The following BTN1A1 variants were observed in gnomAD, a reference collection of about 807,000 sequenced individuals.
The protein encoded by BTN1A1 is butyrophilin subfamily 1 member A1, also known as bK14H9.2 (butyrophilin, subfamily 1, member A1).
In BTN1A1, 26 loss-of-function variants were observed where a neutral mutation model predicts 33.1. The ratio of observed to expected loss-of-function variants is 0.79; its 90% confidence interval spans 0.58 to 1.09. BTN1A1 has a LOEUF of 1.09. Ranked by LOEUF, BTN1A1 falls within the 50% of genes least tolerant of loss-of-function variation. The pLI, the probability that BTN1A1 is intolerant of heterozygous loss-of-function variation, is 0.00. For missense variants in BTN1A1, 558 were observed against 655.7 expected (o/e 0.85, Z 1.63); for synonymous variants, 235 against 256.2 (o/e 0.92, Z 0.79).
chr6:26,507,595 C>T (rs1243384481), intron 5 of BTN1A1, among the ~76,000 whole-genome samples: 1 of 150,730 alleles, frequency 6.6e-6, no homozygotes, highest in African/African-American at 2.4e-5. Context: ...GGTCGTGGCC[C>T]ACACCTGTAG....
At chr6:26,503,391 C>T (rs1305327049) in intron 3 of BTN1A1, among the ~76,000 whole-genome samples, 1 of 151,720 alleles carries the variant, frequency 6.6e-6, no homozygotes, top group Non-Finnish European at 1.5e-5. Context: ...TCGCTTGAAC[C>T]TGGGAGGCAG....
chr6:26,509,186 G>A lies in BTN1A1; in HGVS notation c.*12G>A. 1.3e-6 allele frequency: 2 copies of A among 1,593,404 alleles called. No individual in the cohort carries two copies. The highest frequency in any genetic ancestry group is 1.7e-6 in the Non-Finnish European group (2 of 1,168,210). ...AAGGGGCACCTTAAGGAATATCTCAGCTCATCTGTTTTCCTTTCCTCTAAC... is the reference window on the plus strand; with the variant it reads ...AAGGGGCACCTTAAGGAATATCTCAACTCATCTGTTTTCCTTTCCTCTAAC... On this transcript the variant is annotated 3_prime_UTR_variant, in exon 8 of 8. Coordinates refer to ENST00000684113, the MANE Select transcript of BTN1A1 (RefSeq NM_001732.3).
In BTN1A1 at chr6:26,501,383, T is replaced by G. The variant is rs746036020; in HGVS notation, c.79+18T>G. On this transcript the variant is annotated intron_variant, in intron 2 of 7. Transcript: ENST00000684113. The surrounding 1 kb of genome is among the most constrained non-coding windows in gnomAD (Gnocchi z 5.2). ...GGATTCAGGTAAGTCTCTCTCTCTC[T>G]CTGGGCTGCATAGTTGAAATATATC... is the stretch of plus-strand genomic sequence containing the variant. The G allele has an allele frequency of 6.2e-7, 1 of 1,605,604 alleles. No individual in the cohort carries two copies. Among genetic ancestry groups the G allele is most frequent in the East Asian group, 2.2e-5 (1 of 44,846 alleles).
chr6:26,508,610 G>C lies in BTN1A1; in HGVS notation c.1017G>C (p.Glu339Asp). 12 of 1,614,216 alleles carry C rather than the reference G, an allele frequency of 7.4e-6. No individual in the cohort carries two copies. Among genetic ancestry groups the C allele is most frequent in the Non-Finnish European group, 1.0e-5 (12 of 1,180,044 alleles). Reference protein sequence around the residue: ...DSRQKLPEKTERFDSWPCVLG... With the variant: ...DSRQKLPEKTDRFDSWPCVLG... ...GTCAGAAACTGCCTGAGAAAACAGAGAGATTTGACTCCTGGCCCTGTGTGT... is the reference window on the plus strand; with the variant it reads ...GTCAGAAACTGCCTGAGAAAACAGACAGATTTGACTCCTGGCCCTGTGTGT... The change falls in exon 8 of 8, where the codon GAG becomes GAC. Residue 339 changes from glutamate (E) to aspartate (D), a missense_variant. Transcript: ENST00000684113.
At chr6:26,505,241 G>T in intron 4 of BTN1A1, 35 bp downstream of exon 4, 1 of 1,593,026 alleles carries the variant, frequency 6.3e-7, no homozygotes, top group South Asian at 1.1e-5. Context: ...TTCCTATGTT[G>T]ACACAGCTTC....
At chr6:26,508,121 G>A in intron 7 of BTN1A1, 34 bp downstream of exon 7, 1 of 1,578,410 alleles carries the variant, frequency 6.3e-7, no homozygotes, top group Non-Finnish European at 8.6e-7. Flanking sequence ...GGGCTCTGAG[G>A]CTCTATCCCC....
chr6:26,509,372 G>A lies in BTN1A1; in HGVS notation c.*198G>A, dbSNP rs1399015118. On this transcript the variant is annotated 3_prime_UTR_variant, in exon 8 of 8. Transcript: ENST00000684113. ...ATCTGTTTCTGTACCAATATTTGGG[G>A]GATGGAGGGGTGACTCAAACTGCTT... 7 of 576,840 alleles carry A rather than the reference G, an allele frequency of 1.2e-5. No individual in the cohort carries two copies. The highest frequency in any genetic ancestry group is 2.1e-5 in the Non-Finnish European group (7 of 333,004). The allele number at this position is 576,840 out of a possible 1,614,324, so 35.7% of individuals were successfully genotyped here.
At chr6:26,503,014 A>G (rs187395518) in intron 3 of BTN1A1, among the ~76,000 whole-genome samples, 21 of 152,240 alleles carry the variant, frequency 1.4e-4, no homozygotes, top group Non-Finnish European at 2.8e-4. Context: ...GGATGTTTTT[A>G]TCTAAGATTA....
At chr6:26,506,008 A>T (rs1763865294) in intron 4 of BTN1A1, among the ~76,000 whole-genome samples, 1 of 151,566 alleles carries the variant, frequency 6.6e-6, no homozygotes, top group Non-Finnish European at 1.5e-5. Context: ...AGTCCCAGCT[A>T]CTTGGGAGGC....
chr6:26,504,790 T>G, intron 3 of BTN1A1, 135 bp from the exon 4 acceptor site: 5 of 843,058 alleles, frequency 5.9e-6, no homozygotes, highest in Non-Finnish European at 9.2e-6. Context: ...TATTGAAATA[T>G]GGAGATGAGT....
chr6:26,502,992 C>T (rs1763822824), intron 3 of BTN1A1, among the ~76,000 whole-genome samples: 1 of 152,146 alleles, frequency 6.6e-6, no homozygotes, highest in Non-Finnish European at 1.5e-5. Flanking sequence ...CTGATTTTTA[C>T]TGTAAAACTG....
Position 26,501,754 on chromosome 6 carries a change from G to C in BTN1A1, c.244G>C (p.Glu82Gln), listed in dbSNP as rs201510329. ...CGTGCTGGTGCATAGGGACGGGCGC[G>C]AGCAGGAAGCCGAGCAGATGCCCGA... ...PAVLVHRDGR[E>Q]QEAEQMPEYR... Residue 82 changes from glutamate (E) to glutamine (Q), a missense_variant, in exon 3 of 8, where the codon GAG becomes CAG. Transcript: ENST00000684113. The surrounding 1 kb of genome is among the most constrained non-coding windows in gnomAD (Gnocchi z 5.2). The C allele has an allele frequency of 5.0e-6, 8 of 1,613,764 alleles. No homozygotes were observed. In the South Asian group the frequency reaches 8.8e-5, roughly 18 times the overall value.
chr6:26,506,017 G>A (rs1187782380), intron 4 of BTN1A1, among the ~76,000 whole-genome samples: 1 of 151,634 alleles, frequency 6.6e-6, no homozygotes, highest in Non-Finnish European at 1.5e-5. Flanking sequence ...TACTTGGGAG[G>A]CTGAAGCAGG....
In BTN1A1 at chr6:26,509,228, C is replaced by T; in HGVS notation, c.*54C>T. 1 of 1,455,042 alleles carries T rather than the reference C, an allele frequency of 6.9e-7. No individual in the cohort carries two copies. Among genetic ancestry groups the T allele is most frequent in the Non-Finnish European group, 9.3e-7 (1 of 1,070,942 alleles). The allele number at this position is 1,455,042 out of a possible 1,614,324, so 90.1% of individuals were successfully genotyped here. The stretch of plus-strand genomic sequence containing the variant: ...TCCTCTAACCCCTCTCCTCCATAGC[C>T]TTCTGAGGCTTCACCTGCTAGCTTT... On this transcript the variant is annotated 3_prime_UTR_variant, in exon 8 of 8. Coordinates refer to ENST00000684113, the MANE Select transcript of BTN1A1 (RefSeq NM_001732.3).
At chr6:26,507,716 T>C (rs1304049231) in intron 5 of BTN1A1, among the ~76,000 whole-genome samples, 2 of 67,046 alleles carry the variant, frequency 3.0e-5, no homozygotes, top group South Asian at 5.4e-4. Flanking sequence ...CAGAATGAGA[T>C]TCTATAAAAA....
Position 26,508,773 on chromosome 6 carries a change from TG to T in BTN1A1, c.1183del (p.Ala395LeufsTer2). The T allele has an allele frequency of 6.2e-7, 1 of 1,614,142 alleles. No individual in the cohort carries two copies. The highest frequency in any genetic ancestry group is 8.5e-7 in the Non-Finnish European group (1 of 1,180,012). On this transcript the variant is annotated frameshift_variant, in exon 8 of 8. Coordinates refer to ENST00000684113, the MANE Select transcript of BTN1A1 (RefSeq NM_001732.3). LOFTEE classifies it low-confidence loss of function (END_TRUNC). ...CCCCATGACTCCTGAGAATGGGTTC[TG>T]GGCTGTAGAGTTGTATGGAAATGGG... ...FDPMTPENGF[W>X]AVELYGNGYW...
chr6:26,501,627 G>A lies in BTN1A1; in HGVS notation c.117G>A (p.Leu39=). ...FDVIGPPEPI[L]AVVGEDAELP... ...TGATTGGACCCCCGGAGCCCATCCT[G>A]GCCGTTGTGGGTGAGGACGCCGAGC... Residue 39 remains leucine, a synonymous_variant, in exon 3 of 8, where the codon CTG becomes CTA. Coordinates refer to ENST00000684113, the MANE Select transcript of BTN1A1 (RefSeq NM_001732.3). This position sits in a 1 kb window ranked among gnomAD's most constrained non-coding sequence, Gnocchi z 5.2. 6.2e-7 allele frequency: 1 copy of A among 1,613,890 alleles called. No homozygotes were observed.
Position 26,501,761 on chromosome 6 carries a change from A to G in BTN1A1, c.251A>G (p.Glu84Gly). 1.9e-6 allele frequency: 3 copies of G among 1,613,720 alleles called. No individual in the cohort carries two copies. The highest frequency in any genetic ancestry group is 2.5e-6 in the Non-Finnish European group (3 of 1,179,962). Residue 84 changes from glutamate (E) to glycine (G), a missense_variant, in exon 3 of 8, where the codon GAA becomes GGA. Physicochemically the swap from Glu to Gly is moderately conservative, Grantham distance 98. Coordinates refer to ENST00000684113, the MANE Select transcript of BTN1A1 (RefSeq NM_001732.3). This position sits in a 1 kb window ranked among gnomAD's most constrained non-coding sequence, Gnocchi z 5.2. ...GTGCATAGGGACGGGCGCGAGCAGG[A>G]AGCCGAGCAGATGCCCGAGTACCGC... is the stretch of plus-strand genomic sequence containing the variant. ...VLVHRDGREQ[E>G]AEQMPEYRGR...
At position 26,509,176 on chromosome 6, in the gene BTN1A1, G is replaced by A. The variant is rs756787393; in HGVS notation, c.*2G>A. 3 of 1,603,184 alleles carry A rather than the reference G, an allele frequency of 1.9e-6. No homozygotes were observed. The highest frequency in any genetic ancestry group is 1.7e-6 in the Non-Finnish European group (2 of 1,173,856). On this transcript the variant is annotated 3_prime_UTR_variant, in exon 8 of 8. Transcript: ENST00000684113. The stretch of plus-strand genomic sequence containing the variant: ...CAACCCAGCCAAGGGGCACCTTAAG[G>A]AATATCTCAGCTCATCTGTTTTCCT...
Sources: allele counts gnomAD v4.1 joint callset (sites outside exome capture counted in the v4.1 genomes callset), GRCh38; gene constraint gnomAD v4.1.1; non-coding constraint Gnocchi (gnomAD v3.1); transcripts MANE v1.5; gene names NCBI Gene and HGNC (gene_info 2026-07-23, HGNC 2026-07-21).